Variants in PSD3 observed in about 807,000 individuals in gnomAD.
The protein encoded by PSD3 is PH and SEC7 domain-containing protein 3.
PSD3 carries 49 observed loss-of-function variants against 105.5 expected under a neutral mutation model. The observed-to-expected ratio is 0.46, with a 90% CI of 0.37 to 0.59. The LOEUF (loss-of-function observed/expected upper bound fraction) is 0.59, where lower values mean the gene tolerates loss of function less well. PSD3 is among the 20% of genes least tolerant of loss of function. The pLI, the probability that PSD3 is intolerant of heterozygous loss-of-function variation, is 0.00. For synonymous variants in PSD3, 557 were observed against 457.8 expected, an observed-to-expected ratio of 1.22 and a Z score of -2.77; for missense variants, 1,561 against 1,263.8, an observed-to-expected ratio of 1.24 and a Z score of -3.57.
Position 18,868,056 on chromosome 8 carries a change from C to G in PSD3, c.1252G>C (p.Glu418Gln). Reference sequence around the variant, plus strand: ...TCATCTTCCCCCTTAACGTGCTCCTCTTGTTCGCTGATCCTGGAAAGTAAA... The same window carrying G: ...TCATCTTCCCCCTTAACGTGCTCCTGTTGTTCGCTGATCCTGGAAAGTAAA... ...ERDRERISEQ[E>Q]EHVKGEDEDI... The change falls in exon 4 of 16, where the codon GAG becomes CAG. Residue 418 changes from glutamate (E) to glutamine (Q), a missense_variant. Physicochemically the swap from Glu to Gln is conservative, Grantham distance 29. Coordinates refer to ENST00000327040, the MANE Select transcript of PSD3 (RefSeq NM_015310.4). 1 of 1,601,408 alleles carries G rather than the reference C, an allele frequency of 6.2e-7. No homozygotes were observed.
At chr8:18,939,213 G>A (rs1278007087) in intron 1 of PSD3, among the ~76,000 whole-genome samples, 5 of 152,296 alleles carry the variant, frequency 3.3e-5, no homozygotes, top group East Asian at 1.9e-4. Context: ...CCTCAGGTCC[G>A]TGGGGAAGCA....
At chr8:19,078,231 C>A (rs1333992385) in intron 1 of PSD3, among the ~76,000 whole-genome samples, 1 of 151,900 alleles carries the variant, frequency 6.6e-6, no homozygotes, top group Admixed American at 6.6e-5. Flanking sequence ...AAAATTTTTA[C>A]CGTATCATAA....
chr8:18,653,407 A>AT (rs1253198595), intron 10 of PSD3, among the ~76,000 whole-genome samples: 1 of 152,170 alleles, frequency 6.6e-6, no homozygotes, highest in African/African-American at 2.4e-5. Context: ...AAGCTACAGC[A>AT]TCAGGCATCA....
chr8:18,707,066 T>C (rs1444397968), intron 9 of PSD3, among the ~76,000 whole-genome samples: 1 of 152,166 alleles, frequency 6.6e-6, no homozygotes, highest in Non-Finnish European at 1.5e-5. Flanking sequence ...CAATTCCATG[T>C]TCCTATTACG....
intron 9 of PSD3, among the ~76,000 whole-genome samples, chr8:18,765,177 C>T (rs556611511): frequency 2.6e-5 from 4 of 152,070 alleles, no homozygotes; most frequent in African/African-American, 7.2e-5. Flanking sequence ...ACAAATAAAT[C>T]GAACAAAAAC....
chr8:18,612,784 G>A (rs751143964), intron 11 of PSD3, among the ~76,000 whole-genome samples: 1 of 152,182 alleles, frequency 6.6e-6, no homozygotes, highest in African/African-American at 2.4e-5. Context: ...TTTGTCCCAA[G>A]TCCTGTATTG....
chr8:18,538,587 A>G (rs1300845442), intron 15 of PSD3, among the ~76,000 whole-genome samples: 1 of 152,214 alleles, frequency 6.6e-6, no homozygotes, highest in East Asian at 1.9e-4. Flanking sequence ...AACCAGCGTA[A>G]GGCATACGAT....
chr8:18,738,264 T>A (rs557542252), intron 9 of PSD3, among the ~76,000 whole-genome samples: 1 of 152,142 alleles, frequency 6.6e-6, no homozygotes, highest in African/African-American at 2.4e-5. Flanking sequence ...GAAGGACAAG[T>A]AGCTGTCCTT....
chr8:18,980,861 C>T (rs545958420), intron 1 of PSD3, among the ~76,000 whole-genome samples: 139 of 152,286 alleles, frequency 9.1e-4, no homozygotes, highest in African/African-American at 3.2e-3. Flanking sequence ...TGAGTGCTTC[C>T]GCCACAGTGA....
intron 2 of PSD3, among the ~76,000 whole-genome samples, chr8:18,916,847 T>C (rs1004193543): frequency 6.6e-6 from 1 of 152,092 alleles, no homozygotes; most frequent in African/African-American, 2.4e-5. Context: ...TAAATCTATA[T>C]AATTTTTGTC....
chr8:18,562,797 G>A (rs148639952), intron 14 of PSD3, among the ~76,000 whole-genome samples: 1 of 152,146 alleles, frequency 6.6e-6, no homozygotes, highest in Admixed American at 6.5e-5. Context: ...GCCGAGGCAG[G>A]GGAATTGCTT....
chr8:18,846,422 G>T (rs903772448), intron 4 of PSD3, among the ~76,000 whole-genome samples: 1 of 152,160 alleles, frequency 6.6e-6, no homozygotes, highest in African/African-American at 2.4e-5. Flanking sequence ...ACTAACGATA[G>T]AACAGTTTCT....
At chr8:18,763,374 G>C (rs1417458015) in intron 9 of PSD3, among the ~76,000 whole-genome samples, 1 of 152,098 alleles carries the variant, frequency 6.6e-6, no homozygotes, top group East Asian at 1.9e-4. Context: ...CAAAGAAAGA[G>C]AGAATGACCA....
At chr8:18,712,784 T>C (rs1284365572) in intron 9 of PSD3, among the ~76,000 whole-genome samples, 2 of 152,166 alleles carry the variant, frequency 1.3e-5, no homozygotes, top group East Asian at 3.8e-4. Context: ...ACTCGCGTTA[T>C]GAGGCCAGCA....
intron 2 of PSD3, among the ~76,000 whole-genome samples, chr8:18,882,142 A>C (rs1398324794): frequency 6.6e-6 from 1 of 152,262 alleles, no homozygotes; most frequent in East Asian, 1.9e-4. Context: ...TGGGAGGTTG[A>C]GGCTGCAGTG....
intron 9 of PSD3, among the ~76,000 whole-genome samples, chr8:18,724,760 T>A (rs1453916922): frequency 1.3e-5 from 2 of 151,990 alleles, no homozygotes; most frequent in Non-Finnish European, 2.9e-5. Context: ...CAAGAACAAA[T>A]AAGCTTATTA....
intron 4 of PSD3, among the ~76,000 whole-genome samples, chr8:18,814,130 C>T (rs1811999629): frequency 6.6e-6 from 1 of 152,218 alleles, no homozygotes; most frequent in Admixed American, 6.5e-5. Flanking sequence ...ATAAAGGAAA[C>T]ACACAAAACC....
rs188623023 is a variant in PSD3 at position 18,593,220 on chromosome 8, C to G, written c.2481+7144G>C. Among the ~76,000 whole-genome samples the G allele has an allele frequency of 6.5e-3, 989 of 152,284 alleles. 12 individuals are homozygous for G. Among genetic ancestry groups the G allele is most frequent in the African/African-American group, 0.023 (953 of 41,560 alleles). On this transcript the variant is annotated intron_variant, in intron 12 of 15. Coordinates refer to ENST00000327040, the MANE Select transcript of PSD3 (RefSeq NM_015310.4). ...AATGGGAGAAAATTTTTCCAATCTA[C>G]TCATCTGACAAAGGGCTAATATCCA...
chr8:18,839,232 G>A (rs1319365419), intron 4 of PSD3, among the ~76,000 whole-genome samples: 1 of 151,998 alleles, frequency 6.6e-6, no homozygotes, highest in Non-Finnish European at 1.5e-5. Flanking sequence ...TCAGTTTCTG[G>A]CATTACCAAT....
Sources: gnomAD v4.1 joint callset for allele counts (sites outside exome capture counted in the v4.1 genomes callset) on GRCh38, gnomAD v4.1.1 for gene constraint, MANE v1.5 for transcripts, NCBI Gene and HGNC (gene_info 2026-07-23, HGNC 2026-07-21) for gene names.